The following GSE1 variants were observed in gnomAD, a reference collection of about 807,000 sequenced individuals.
GSE1 encodes genetic suppressor element 1.
In GSE1, 32 loss-of-function variants were observed where a neutral mutation model predicts 112.6. The ratio of observed to expected loss-of-function variants is 0.28; its 90% CI spans 0.21 to 0.38. The LOEUF (loss-of-function observed/expected upper bound fraction) is 0.38, where lower values mean the gene tolerates loss of function less well. GSE1 is among the 10% of genes least tolerant of loss of function. GSE1 has a pLI of 1.00. For missense variants in GSE1, 2,348 were observed against 1,699.2 expected (o/e 1.38, Z -6.71); for synonymous variants, 1,115 against 735.6 (o/e 1.52, Z -8.35).
intron 2 of GSE1, among the ~76,000 whole-genome samples, chr16:85,635,253 G>A (rs2049893147): frequency 6.6e-6 from 1 of 152,160 alleles, no homozygotes; most frequent in African/African-American, 2.4e-5. Flanking sequence ...GGGGGGTATT[G>A]GCCCAGGAGG....
chr16:85,360,831 TACAC>T (rs2095946405), intron 2 of GSE1, among the ~76,000 whole-genome samples: 2 of 150,362 alleles, frequency 1.3e-5, no homozygotes, highest in South Asian at 2.1e-4. Context: ...CACACACAGA[TACAC>T]ACACAGAAAC....
At chr16:85,247,806 G>A (rs559468292) in intron 1 of GSE1, among the ~76,000 whole-genome samples, 1 of 152,228 alleles carries the variant, frequency 6.6e-6, no homozygotes, top group Admixed American at 6.5e-5. Context: ...ATGCCAGGGG[G>A]CTGGTCTTTG....
At chr16:85,564,399 T>G (rs1392208531) in intron 1 of GSE1, among the ~76,000 whole-genome samples, 2 of 152,068 alleles carry the variant, frequency 1.3e-5, no homozygotes, top group East Asian at 1.9e-4. Flanking sequence ...TGGTGGTGTG[T>G]GGGGGGCATG....
intron 1 of GSE1, among the ~76,000 whole-genome samples, chr16:85,239,986 A>C (rs1905046457): frequency 6.6e-6 from 1 of 152,198 alleles, no homozygotes; most frequent in South Asian, 2.1e-4. Context: ...TGTGCGCTTC[A>C]CTGTAAATGT....
chr16:85,413,686 G>C (rs541200035), intron 2 of GSE1, among the ~76,000 whole-genome samples: 1 of 152,250 alleles, frequency 6.6e-6, no homozygotes, highest in East Asian at 1.9e-4. Flanking sequence ...TCAAAAAGGG[G>C]GTGAGGAATT....
At chr16:85,622,968 C>T (rs75259132) in intron 1 of GSE1, among the ~76,000 whole-genome samples, 4,521 of 152,134 alleles carry the variant, frequency 0.03, 100 homozygotes, top group South Asian at 0.064. Flanking sequence ...GGCCTGAGAC[C>T]ATAGGGAGGG....
At chr16:85,193,832 G>A (rs900856685) in intron 1 of GSE1, among the ~76,000 whole-genome samples, 1 of 152,216 alleles carries the variant, frequency 6.6e-6, no homozygotes, top group Admixed American at 6.5e-5. Flanking sequence ...AAGAGCCAGT[G>A]TACCCTTCAC....
rs779819147 is a variant in GSE1, at chr16:85,662,944, C to G, written c.2261-37C>G. On this transcript the variant is annotated intron_variant, in intron 9 of 15. Transcript: ENST00000253458. ...GGCATGTCCACTGGACAGATGAAGGCTCTTTGTCTGGCTGAATACAACCAT... is the reference window on the plus strand; with the variant it reads ...GGCATGTCCACTGGACAGATGAAGGGTCTTTGTCTGGCTGAATACAACCAT... The G allele has an allele frequency of 8.0e-6, 11 of 1,381,038 alleles. No homozygotes were observed. The East Asian group carries it at 1.4e-4, about 17-fold the overall frequency. The allele number at this position is 1,381,038 out of a possible 1,614,324, so 85.5% of individuals were successfully genotyped here.
intron 1 of GSE1, among the ~76,000 whole-genome samples, chr16:85,211,505 C>T (rs559890733): frequency 7.3e-4 from 111 of 152,178 alleles, no homozygotes; most frequent in Non-Finnish European, 9.8e-4. Flanking sequence ...TCACTGGCGG[C>T]GAGCCTCGCT....
intron 1 of GSE1, among the ~76,000 whole-genome samples, chr16:85,178,703 T>C (rs2074518764): frequency 6.6e-6 from 1 of 151,968 alleles, no homozygotes; most frequent in South Asian, 2.1e-4. Flanking sequence ...CCAGGCACTG[T>C]TCTAGACACC....
intron 2 of GSE1, among the ~76,000 whole-genome samples, chr16:85,528,261 G>A (rs1484994975): frequency 1.3e-5 from 2 of 152,348 alleles, no homozygotes; most frequent in East Asian, 3.9e-4. Flanking sequence ...ATGTGGGGAA[G>A]ATATAAAAGA....
At chr16:85,428,858 T>G in intron 2 of GSE1, among the ~76,000 whole-genome samples, 1 of 151,440 alleles carries the variant, frequency 6.6e-6, no homozygotes, top group African/African-American at 2.4e-5. Context: ...GCCTGGGGGG[T>G]CCCTGGTGTT....
chr16:85,542,632 C>A (rs2044561485), intron 2 of GSE1, among the ~76,000 whole-genome samples: 1 of 152,262 alleles, frequency 6.6e-6, no homozygotes, highest in Admixed American at 6.5e-5. Flanking sequence ...TGACTGCTAA[C>A]TAAGAGTGCT....
At chr16:85,176,714 C>T (rs926676267) in intron 1 of GSE1, among the ~76,000 whole-genome samples, 6 of 152,272 alleles carry the variant, frequency 3.9e-5, no homozygotes, top group African/African-American at 1.4e-4. Flanking sequence ...CGGCCAGGCC[C>T]CCCGAGTGTG....
chr16:85,536,119 G>A (rs2044318451), intron 2 of GSE1, among the ~76,000 whole-genome samples: 1 of 152,210 alleles, frequency 6.6e-6, no homozygotes, highest in Non-Finnish European at 1.5e-5. Flanking sequence ...CAGGGAAACG[G>A]TCCCCAGGAG....
intron 1 of GSE1, among the ~76,000 whole-genome samples, chr16:85,284,354 G>A (rs968122464): frequency 7.2e-5 from 11 of 152,190 alleles, no homozygotes; most frequent in African/African-American, 2.7e-4. Flanking sequence ...GAGGTCTCCC[G>A]GCGGGGGCCG....
chr16:85,311,869 G>A lies in GSE1; in HGVS notation c.2284-45594G>A, dbSNP rs1481137020. Among the ~76,000 whole-genome samples the A allele has an allele frequency of 1.3e-5, 2 of 152,190 alleles. No homozygotes were observed. Among genetic ancestry groups the A allele is most frequent in the African/African-American group, 4.8e-5 (2 of 41,460 alleles). On this transcript the variant is annotated intron_variant, in intron 1 of 2. Coordinates refer to the GSE1 transcript ENST00000637419. The surrounding 1 kb of genome is among the most constrained non-coding windows in gnomAD (Gnocchi z 4.2). ...CGAGTCCTTCTCACCCCAGACCCCA[G>A]CGTCTGTGTTTCATGAGGGTTGTGA... is the stretch of plus-strand genomic sequence containing the variant.
chr16:85,666,217 T>G lies in GSE1; in HGVS notation c.3000T>G (p.Ile1000Met). 6.2e-7 allele frequency: 1 copy of G among 1,613,672 alleles called. No homozygotes were observed. Among genetic ancestry groups the G allele is most frequent in the Non-Finnish European group, 8.5e-7 (1 of 1,180,042 alleles). ...HYIRGAAPKD[I>M]PVPLSHSTNG... Reference sequence around the variant, plus strand: ...TCCGGGGCGCTGCACCCAAGGACATTCCTGTGCCGCTGTCCCACAGCACCA... The same window carrying G: ...TCCGGGGCGCTGCACCCAAGGACATGCCTGTGCCGCTGTCCCACAGCACCA... Residue 1000 changes from isoleucine (I) to methionine (M), a missense_variant, in exon 13 of 16, where the codon ATT becomes ATG. By Grantham distance (10) the Ile-to-Met change is conservative. Coordinates refer to ENST00000253458, the MANE Select transcript of GSE1 (RefSeq NM_014615.5).
rs143067122 is a variant in GSE1 at position 85,491,181 on chromosome 16, G to A, written c.2464+133538G>A. On this transcript the variant is annotated intron_variant, in intron 2 of 2. Coordinates refer to the GSE1 transcript ENST00000637419. Reference sequence around the variant, plus strand: ...CTCAGCTGCAGGTCAGCCCGGAGCCGCTAGTAGGCACTGTTGTGTTCACGC... The same window carrying A: ...CTCAGCTGCAGGTCAGCCCGGAGCCACTAGTAGGCACTGTTGTGTTCACGC... Among the ~76,000 whole-genome samples the A allele has an allele frequency of 5.1e-4, 78 of 152,316 alleles. No individual in the cohort carries two copies. The Middle Eastern group carries it at 0.01, about 20-fold the overall frequency.
Sources: gnomAD v4.1 joint callset for allele counts (sites outside exome capture counted in the v4.1 genomes callset) on GRCh38, gnomAD v4.1.1 for gene constraint, Gnocchi (gnomAD v3.1) non-coding constraint, MANE v1.5 for transcripts, NCBI Gene and HGNC (gene_info 2026-07-23, HGNC 2026-07-21) for gene names.